The following SOX5 variants were observed in gnomAD, a reference collection of about 807,000 sequenced individuals.
SOX5 encodes SRY-box transcription factor 5.
In SOX5, 9 loss-of-function variants were observed where a neutral mutation model predicts 92.0. That is an observed-to-expected ratio of 0.10 (90% CI 0.06 to 0.17). SOX5 has a LOEUF of 0.17. Among genes scored for constraint, SOX5 ranks in the 10% least tolerant of loss-of-function variants. SOX5 has a pLI of 1.00. For missense variants in SOX5, 642 were observed against 944.5 expected, an observed-to-expected ratio of 0.68 and a Z score of 4.20; for synonymous variants, 344 against 336.3, an observed-to-expected ratio of 1.02 and a Z score of -0.25.
chr12:24,259,858 C>CA (rs1012392961), intron 3 of SOX5, among the ~76,000 whole-genome samples: 3 of 151,700 alleles, frequency 2.0e-5, no homozygotes, highest in African/African-American at 7.3e-5. Context: ...TTCCATAATT[C>CA]AAAAAAATAA....
At chr12:23,906,194 T>A (rs185720732) in intron 1 of SOX5, among the ~76,000 whole-genome samples, 31 of 152,364 alleles carry the variant, frequency 2.0e-4, no homozygotes, top group East Asian at 1.7e-3. Flanking sequence ...AAAAATATGT[T>A]TAACCTTCAG....
chr12:24,097,200 AGT>A (rs1256931559), intron 4 of SOX5, among the ~76,000 whole-genome samples: 1 of 152,108 alleles, frequency 6.6e-6, no homozygotes, highest in Non-Finnish European at 1.5e-5. Flanking sequence ...TGTTTATTCA[AGT>A]CCTTTGTCCA....
intron 11 of SOX5, among the ~76,000 whole-genome samples, chr12:23,554,403 G>A (rs1944749582): frequency 6.6e-6 from 1 of 151,962 alleles, no homozygotes; most frequent in Admixed American, 6.6e-5. Context: ...CCAATGCTGG[G>A]GCACAGGCGA....
intron 1 of SOX5, among the ~76,000 whole-genome samples, chr12:23,896,440 TTTC>T (rs1368106729): frequency 6.6e-6 from 1 of 152,170 alleles, no homozygotes; most frequent in East Asian, 1.9e-4. Flanking sequence ...CTAAAATTTC[TTTC>T]ATCAAAAAAT....
intron 6 of SOX5, among the ~76,000 whole-genome samples, chr12:23,674,582 C>T (rs909516555): frequency 4.0e-5 from 6 of 151,854 alleles, no homozygotes; most frequent in Admixed American, 1.3e-4. Context: ...AGATGATCCA[C>T]CCTCCTTGGC....
chr12:24,210,908 A>G (rs1385551522), intron 4 of SOX5, among the ~76,000 whole-genome samples: 2 of 152,170 alleles, frequency 1.3e-5, no homozygotes, highest in East Asian at 3.9e-4. Context: ...CACAACTTGT[A>G]AGTGAGACTG....
At chr12:24,111,633 A>T (rs901614235) in intron 4 of SOX5, among the ~76,000 whole-genome samples, 1 of 152,348 alleles carries the variant, frequency 6.6e-6, no homozygotes, top group African/African-American at 2.4e-5. Flanking sequence ...ACTGATTCTT[A>T]AAACCATGAT....
At chr12:23,867,729 C>T (rs2136646918) in intron 2 of SOX5, among the ~76,000 whole-genome samples, 1 of 151,876 alleles carries the variant, frequency 6.6e-6, no homozygotes, top group East Asian at 1.9e-4. Flanking sequence ...GTCTTTCCTA[C>T]ACACTATGCC....
At chr12:23,638,423 A>C in intron 8 of SOX5, 1 of 152,240 alleles carries the variant, frequency 6.6e-6, no homozygotes, top group South Asian at 2.1e-4. Flanking sequence ...TACTCAAGAT[A>C]TTAAGATATG....
chr12:24,226,685 G>A (rs1434902650), intron 3 of SOX5, among the ~76,000 whole-genome samples: 1 of 151,994 alleles, frequency 6.6e-6, no homozygotes, highest in East Asian at 1.9e-4. Flanking sequence ...TGGCCAGGCT[G>A]GTCTTCAACT....
At chr12:24,376,451 C>A (rs1957266907) in intron 1 of SOX5, among the ~76,000 whole-genome samples, 1 of 152,196 alleles carries the variant, frequency 6.6e-6, no homozygotes, top group Non-Finnish European at 1.5e-5. Flanking sequence ...CTTCTGATGG[C>A]ATCTTAACCT....
intron 2 of SOX5, among the ~76,000 whole-genome samples, chr12:23,866,998 G>A (rs910172429): frequency 6.6e-6 from 1 of 151,838 alleles, no homozygotes; most frequent in African/African-American, 2.4e-5. Flanking sequence ...ATAAGTCCTT[G>A]CTTTCCCCTG....
At chr12:24,525,035 G>A (rs577005232) in intron 1 of SOX5, among the ~76,000 whole-genome samples, 36 of 152,282 alleles carry the variant, frequency 2.4e-4, no homozygotes, top group Non-Finnish European at 4.9e-4. Context: ...TCCAGTAGTT[G>A]CACTTCTGGG....
intron 4 of SOX5, among the ~76,000 whole-genome samples, chr12:24,189,651 A>G (rs1956335388): frequency 6.6e-6 from 1 of 152,084 alleles, no homozygotes; most frequent in Non-Finnish European, 1.5e-5. Flanking sequence ...AATTCCATAA[A>G]TAGCTGTTGT....
At chr12:23,885,943 CAATGCCAGCTTT>C (rs2097059387) in intron 2 of SOX5, among the ~76,000 whole-genome samples, 1 of 151,242 alleles carries the variant, frequency 6.6e-6, no homozygotes, top group African/African-American at 2.4e-5. Context: ...AATTGAGTTT[CAATGCCAGCTTT>C]AATGCCAGTA....
chr12:24,277,645 A>G (rs1944657364), intron 2 of SOX5, among the ~76,000 whole-genome samples: 1 of 150,720 alleles, frequency 6.6e-6, no homozygotes, highest in Admixed American at 6.6e-5. Flanking sequence ...AAGGGGTATT[A>G]TCTTGGCATT....
chr12:24,171,946 T>G (rs1954230686), intron 4 of SOX5, among the ~76,000 whole-genome samples: 1 of 151,672 alleles, frequency 6.6e-6, no homozygotes, highest in South Asian at 2.1e-4. Flanking sequence ...AGGGTTAGAG[T>G]TTATGAGGTT....
intron 4 of SOX5, among the ~76,000 whole-genome samples, chr12:24,179,808 A>G (rs1268368187): frequency 6.6e-6 from 1 of 152,134 alleles, no homozygotes; most frequent in Non-Finnish European, 1.5e-5. Flanking sequence ...CACTTAGGAT[A>G]GGATGTGTTT....
chr12:24,546,228 T>C (rs1014231814), intron 1 of SOX5, among the ~76,000 whole-genome samples: 1 of 152,226 alleles, frequency 6.6e-6, no homozygotes, highest in African/African-American at 2.4e-5. Flanking sequence ...ATTTGCCTGA[T>C]GGAGTATCCC....
Sources: allele counts gnomAD v4.1 joint callset (sites outside exome capture counted in the v4.1 genomes callset), GRCh38; gene constraint gnomAD v4.1.1; transcripts MANE v1.5; gene names NCBI Gene and HGNC (gene_info 2026-07-23, HGNC 2026-07-21).